MACROD2: variants seen among roughly 807,000 people sequenced by gnomAD.
The protein encoded by MACROD2 is mono-ADP ribosylhydrolase 2.
MACROD2 carries 36 observed loss-of-function variants against 70.4 expected under a neutral mutation model. The ratio of observed to expected loss-of-function variants is 0.51; its 90% CI spans 0.39 to 0.68. MACROD2 has a LOEUF of 0.68. Among genes scored for constraint, MACROD2 ranks in the 30% least tolerant of loss-of-function variants. The probability of loss-of-function intolerance (pLI) is 0.00; values close to 1 mark genes in which losing one functional copy is unlikely to be tolerated. For synonymous variants in MACROD2, 172 were observed against 178.8 expected, an observed-to-expected ratio of 0.96 and a Z score of 0.30; for missense variants, 496 against 538.4, an observed-to-expected ratio of 0.92 and a Z score of 0.78.
At chr20:15,057,207 ACTTTT>A (rs2075493582) in intron 5 of MACROD2, among the ~76,000 whole-genome samples, 1 of 152,210 alleles carries the variant, frequency 6.6e-6, no homozygotes, top group Non-Finnish European at 1.5e-5. Flanking sequence ...TATTAAAGTA[ACTTTT>A]CTTTACATGA....
chr20:15,271,550 A>G (rs1357834432), intron 6 of MACROD2, among the ~76,000 whole-genome samples: 1 of 152,238 alleles, frequency 6.6e-6, no homozygotes, highest in East Asian at 1.9e-4. Context: ...GAGCACAAGA[A>G]GCATTTGTTA....
At chr20:15,879,603 C>A (rs35671388) in intron 9 of MACROD2, among the ~76,000 whole-genome samples, 23 of 152,146 alleles carry the variant, frequency 1.5e-4, no homozygotes, top group African/African-American at 5.5e-4. Context: ...TATGTCACTC[C>A]TCTGCTCAAA....
At chr20:14,828,822 C>T (rs1397240023) in intron 5 of MACROD2, among the ~76,000 whole-genome samples, 1 of 152,044 alleles carries the variant, frequency 6.6e-6, no homozygotes, top group African/African-American at 2.4e-5. Context: ...TGTTTTGGCA[C>T]ATCTTAAGTC....
chr20:14,385,666 A>T (rs138346724), intron 3 of MACROD2, among the ~76,000 whole-genome samples: 1 of 152,160 alleles, frequency 6.6e-6, no homozygotes, highest in Admixed American at 6.5e-5. Flanking sequence ...TTTTAAGTGC[A>T]TGTGTTTCTT....
intron 15 of MACROD2, among the ~76,000 whole-genome samples, chr20:16,006,750 T>C (rs2066794253): frequency 6.6e-6 from 1 of 152,100 alleles, no homozygotes; most frequent in African/African-American, 2.4e-5. Flanking sequence ...TGTTGGGTAA[T>C]AGGATGATTA....
chr20:15,788,687 C>T (rs573993946), intron 8 of MACROD2, among the ~76,000 whole-genome samples: 6 of 152,166 alleles, frequency 3.9e-5, no homozygotes, highest in South Asian at 2.1e-4. Flanking sequence ...AATAAATGTA[C>T]GTTTTAAAAA....
intron 4 of MACROD2, among the ~76,000 whole-genome samples, chr20:14,623,183 T>G (rs556629246): frequency 6.6e-6 from 1 of 152,246 alleles, no homozygotes; most frequent in African/African-American, 2.4e-5. Flanking sequence ...ACAGTTTTTT[T>G]TGTTTTTTTT....
intron 5 of MACROD2, among the ~76,000 whole-genome samples, chr20:14,906,797 G>A (rs533842660): frequency 6.6e-6 from 1 of 152,246 alleles, no homozygotes; most frequent in Admixed American, 6.5e-5. Context: ...CTGCTTCTTT[G>A]AAGTATTCTT....
intron 4 of MACROD2, among the ~76,000 whole-genome samples, chr20:14,588,360 C>T (rs1024859604): frequency 3.9e-5 from 6 of 152,128 alleles, no homozygotes; most frequent in Admixed American, 2.6e-4. Context: ...GTTCTAATGA[C>T]ATCTGGTTAA....
chr20:15,197,167 T>C (rs780385165), intron 5 of MACROD2: 3 of 290,704 alleles, frequency 1.0e-5, no homozygotes, highest in Non-Finnish European at 1.5e-5. Flanking sequence ...CCTTTAATCT[T>C]TTCTTCATTT....
At chr20:15,285,772 T>C (rs1414287936) in intron 6 of MACROD2, among the ~76,000 whole-genome samples, 1 of 152,194 alleles carries the variant, frequency 6.6e-6, no homozygotes, top group East Asian at 1.9e-4. Context: ...TGCATTATGA[T>C]GTTTTGAATT....
At chr20:14,382,726 G>C (rs772528529) in intron 3 of MACROD2, among the ~76,000 whole-genome samples, 2 of 151,918 alleles carry the variant, frequency 1.3e-5, no homozygotes, top group Non-Finnish European at 2.9e-5. Context: ...TTCTTTTTTA[G>C]GGGTGACCTA....
chr20:14,954,970 T>A (rs2074516307), intron 5 of MACROD2, among the ~76,000 whole-genome samples: 1 of 113,866 alleles, frequency 8.8e-6, no homozygotes, highest in Non-Finnish European at 1.6e-5. Flanking sequence ...ATTTATATTT[T>A]ATATAATTAA....
At chr20:14,878,111 A>G (rs1256801450) in intron 5 of MACROD2, among the ~76,000 whole-genome samples, 1 of 152,156 alleles carries the variant, frequency 6.6e-6, no homozygotes, top group East Asian at 1.9e-4. Context: ...TTCATTCATC[A>G]AAGAGAATTC....
intron 8 of MACROD2, among the ~76,000 whole-genome samples, chr20:15,840,220 A>C (rs1247560973): frequency 6.6e-6 from 1 of 152,212 alleles, no homozygotes; most frequent in Non-Finnish European, 1.5e-5. Flanking sequence ...CAGTTACAGC[A>C]TCTATCCAGC....
intron 6 of MACROD2, among the ~76,000 whole-genome samples, chr20:15,395,087 T>C (rs2045843410): frequency 6.6e-6 from 1 of 152,214 alleles, no homozygotes; most frequent in Non-Finnish European, 1.5e-5. Context: ...AGAGGGTAAA[T>C]GAAAGATATT....
At chr20:15,005,942 G>T (rs993827385) in intron 5 of MACROD2, among the ~76,000 whole-genome samples, 1 of 152,034 alleles carries the variant, frequency 6.6e-6, no homozygotes, top group Non-Finnish European at 1.5e-5. Context: ...AAAGGATTTG[G>T]AATCATATAA....
At chr20:14,684,660 C>G (rs1425174411) in intron 4 of MACROD2, among the ~76,000 whole-genome samples, 183 bp from the exon 5 acceptor site, 2 of 132,322 alleles carry the variant, frequency 1.5e-5, no homozygotes, top group African/African-American at 3.0e-5. Flanking sequence ...CCCCCCCCCC[C>G]GGCCCCCGCC....
chr20:16,023,102 GA>G (rs1447105027), intron 15 of MACROD2, among the ~76,000 whole-genome samples: 1 of 152,050 alleles, frequency 6.6e-6, no homozygotes, highest in African/African-American at 2.4e-5. Flanking sequence ...CACTGAGAAG[GA>G]AAATAAAAAG....
Sources: gnomAD v4.1 joint callset for allele counts (sites outside exome capture counted in the v4.1 genomes callset) on GRCh38, gnomAD v4.1.1 for gene constraint, MANE v1.5 for transcripts, NCBI Gene and HGNC (gene_info 2026-07-23, HGNC 2026-07-21) for gene names.